The following PPARGC1A variants were observed in gnomAD, a reference collection of about 807,000 sequenced individuals.
The protein encoded by PPARGC1A is PPARG coactivator 1 alpha, also known as peroxisome proliferator-activated receptor gamma coactivator 1-alpha.
A neutral mutation model predicts 88.7 loss-of-function variants in PPARGC1A; 25 were observed. The observed-to-expected ratio is 0.28, with a 90% CI of 0.21 to 0.39. The LOEUF (loss-of-function observed/expected upper bound fraction) is 0.39. PPARGC1A is among the 10% of genes least tolerant of loss of function. The pLI, the probability that PPARGC1A is intolerant of heterozygous loss-of-function variation, is 1.00. For synonymous variants in PPARGC1A, 363 were observed against 355.6 expected, an observed-to-expected ratio of 1.02 and a Z score of -0.24; for missense variants, 880 against 968.7, an observed-to-expected ratio of 0.91 and a Z score of 1.22.
At chr4:24,332,644 T>A in the PPARGC1A span, among the ~76,000 whole-genome samples, 1 of 152,162 alleles carries the variant, frequency 6.6e-6, no homozygotes, top group South Asian at 2.1e-4. Context: ...AAATAGTAGC[T>A]AAAAAGTTGT....
chr4:24,134,421 C>T, the PPARGC1A span, among the ~76,000 whole-genome samples: 3 of 152,290 alleles, frequency 2.0e-5, no homozygotes, highest in South Asian at 2.1e-4. Flanking sequence ...AATGCTTAAA[C>T]GCTTCATTTT....
intron 5 of PPARGC1A, among the ~76,000 whole-genome samples, chr4:23,827,656 C>T (rs1724203186): frequency 1.3e-5 from 2 of 152,186 alleles, no homozygotes; most frequent in Admixed American, 1.3e-4. Flanking sequence ...TCAGAACCAT[C>T]AGCCTTCTCC....
rs1357935783 is a variant in PPARGC1A, at chr4:23,814,089, T to C, written c.1394A>G (p.His465Arg). The change falls in exon 8 of 13, where the codon CAC becomes CGC. Residue 465 changes from histidine (H) to arginine (R), a missense_variant. Coordinates refer to ENST00000264867, the MANE Select transcript of PPARGC1A (RefSeq NM_013261.5). ...DQEIRAELNK[H>R]FGHPSQAVFD... Reference sequence around the variant, plus strand: ...AACAGCTTGACTGGGATGACCGAAGTGCTTGTTCAGCTCGGCTCGGATTTC... The same window carrying C: ...AACAGCTTGACTGGGATGACCGAAGCGCTTGTTCAGCTCGGCTCGGATTTC... 6.2e-7 allele frequency: 1 copy of C among 1,614,128 alleles called. No homozygotes were observed. The highest frequency in any genetic ancestry group is 1.7e-5 in the Admixed American group (1 of 60,012).
the PPARGC1A span, among the ~76,000 whole-genome samples, chr4:24,052,973 C>G: frequency 4.6e-4 from 67 of 146,502 alleles, no homozygotes; most frequent in Non-Finnish European, 5.1e-4. Context: ...ATGCCATTCT[C>G]CTGCCTCAGC....
the PPARGC1A span, among the ~76,000 whole-genome samples, chr4:24,429,183 ATATT>A: frequency 6.6e-6 from 1 of 152,214 alleles, no homozygotes. Context: ...GTGTGTACAC[ATATT>A]TATAACGTCC....
the PPARGC1A span, among the ~76,000 whole-genome samples, chr4:24,144,552 G>T: frequency 6.6e-6 from 1 of 151,378 alleles, no homozygotes; most frequent in African/African-American, 2.4e-5. Flanking sequence ...TTGCTGTACC[G>T]TGTCCAGGGA....
At chr4:24,300,324 A>ATT in the PPARGC1A span, among the ~76,000 whole-genome samples, 48 of 45,022 alleles carry the variant, frequency 1.1e-3, 10 homozygotes, top group Non-Finnish European at 1.7e-3. Context: ...ATACAATAGC[A>ATT]TTTTTTTTTT....
chr4:24,162,653 G>A, the PPARGC1A span, among the ~76,000 whole-genome samples: 4 of 146,786 alleles, frequency 2.7e-5, no homozygotes, highest in Non-Finnish European at 4.4e-5. Context: ...CTGCAGTGGT[G>A]CAATCTCAGC....
chr4:23,962,586 C>T, the PPARGC1A span, among the ~76,000 whole-genome samples: 1 of 152,132 alleles, frequency 6.6e-6, no homozygotes, highest in African/African-American at 2.4e-5. Context: ...TGACTTTTCC[C>T]AGCCAGGAAG....
chr4:24,053,501 A>G, the PPARGC1A span, among the ~76,000 whole-genome samples: 1 of 149,996 alleles, frequency 6.7e-6, no homozygotes, highest in African/African-American at 2.4e-5. Flanking sequence ...AAATGAGGGC[A>G]ATAAGAAAAA....
chr4:24,030,695 T>C, the PPARGC1A span, among the ~76,000 whole-genome samples: 15 of 152,082 alleles, frequency 9.9e-5, no homozygotes, highest in African/African-American at 3.6e-4. Context: ...GTGACCATTG[T>C]CTCCACACAC....
the PPARGC1A span, among the ~76,000 whole-genome samples, chr4:24,224,316 T>C: frequency 1.3e-5 from 2 of 151,862 alleles, no homozygotes; most frequent in African/African-American, 2.4e-5. Flanking sequence ...TACTCAAAAA[T>C]GGGAAAGGGG....
At chr4:24,453,306 C>T in the PPARGC1A span, among the ~76,000 whole-genome samples, 201 of 152,312 alleles carry the variant, frequency 1.3e-3, 1 homozygote, top group African/African-American at 4.7e-3. Flanking sequence ...TACAGCAGCT[C>T]TTGCAAACTA....
chr4:24,002,601 CTGCT>C, the PPARGC1A span, among the ~76,000 whole-genome samples: 4,539 of 134,498 alleles, frequency 0.034, 113 homozygotes, highest in South Asian at 0.13. Flanking sequence ...AAAGTGCATG[CTGCT>C]TTTTTTTTTT....
chr4:24,217,430 C>T, the PPARGC1A span, among the ~76,000 whole-genome samples: 1 of 152,094 alleles, frequency 6.6e-6, no homozygotes, highest in Admixed American at 6.6e-5. Flanking sequence ...AGGCTACTGC[C>T]GTTGTTCGGA....
chr4:24,333,940 C>CAACAAAAAAAAA, the PPARGC1A span, among the ~76,000 whole-genome samples: 5 of 13,830 alleles, frequency 3.6e-4, no homozygotes, highest in African/African-American at 7.7e-4. Context: ...ACAACAACAA[C>CAACAAAAAAAAA]AAAAAAAAAA....
chr4:24,235,511 A>G, the PPARGC1A span, among the ~76,000 whole-genome samples: 1 of 151,886 alleles, frequency 6.6e-6, no homozygotes, highest in Non-Finnish European at 1.5e-5. Flanking sequence ...TCATACCCTA[A>G]AGTAGCACTG....
At chr4:23,812,919 A>G in intron 9 of PPARGC1A, 52 bp from the exon 10 acceptor site, 1 of 1,613,644 alleles carries the variant, frequency 6.2e-7, no homozygotes, top group East Asian at 2.2e-5. Flanking sequence ...TTCATGAGCA[A>G]AATGAATAAT....
At chr4:24,299,894 A>G in the PPARGC1A span, among the ~76,000 whole-genome samples, 4 of 152,250 alleles carry the variant, frequency 2.6e-5, no homozygotes, top group Non-Finnish European at 5.9e-5. Flanking sequence ...TTCATTGTAT[A>G]TTAATCAACT....
Sources: allele counts gnomAD v4.1 joint callset (sites outside exome capture counted in the v4.1 genomes callset), GRCh38; gene constraint gnomAD v4.1.1; transcripts MANE v1.5; gene names NCBI Gene and HGNC (gene_info 2026-07-23, HGNC 2026-07-21).